SUZ12: variants seen among roughly 807,000 people sequenced by gnomAD.
SUZ12 encodes the protein SUZ12 polycomb repressive complex 2 subunit.
In SUZ12, 17 loss-of-function variants were observed where a neutral mutation model predicts 87.3. The observed-to-expected ratio is 0.19, with a 90% confidence interval of 0.13 to 0.29. The LOEUF (loss-of-function observed/expected upper bound fraction) is 0.29, where lower values mean the gene tolerates loss of function less well. Among genes scored for constraint, SUZ12 ranks in the 10% least tolerant of loss-of-function variants. The probability of loss-of-function intolerance (pLI) is 1.00; values close to 1 mark genes in which losing one functional copy is unlikely to be tolerated. For synonymous variants in SUZ12, 253 were observed against 312.4 expected, an observed-to-expected ratio of 0.81 and a Z score of 2.01; for missense variants, 526 against 912.2, an observed-to-expected ratio of 0.58 and a Z score of 5.45.
chr17:31,988,184 A>G, intron 9 of SUZ12, 136 bp from the exon 10 acceptor site: 2 of 784,920 alleles, frequency 2.5e-6, no homozygotes, highest in East Asian at 2.9e-5. Flanking sequence ...TAGCCGTCTC[A>G]GTCAGCATTT....
At chr17:31,970,796 T>A (rs1342688450) in intron 5 of SUZ12, among the ~76,000 whole-genome samples, 1 of 148,460 alleles carries the variant, frequency 6.7e-6, no homozygotes, top group African/African-American at 2.5e-5. Flanking sequence ...AGCAAGACTC[T>A]CTCTCTCAAA....
At position 31,978,231 on chromosome 17, in the gene SUZ12, C is replaced by T. The variant is rs997537446; in HGVS notation, c.917+1617C>T. ...TTTATTTATTTGTTTATTTTTGAGACGGACTCTCGCTGTGTCACCCAGGCT... is the reference window on the plus strand; with the variant it reads ...TTTATTTATTTGTTTATTTTTGAGATGGACTCTCGCTGTGTCACCCAGGCT... On this transcript the variant is annotated intron_variant, in intron 8 of 15. Transcript: ENST00000322652. Among the ~76,000 whole-genome samples the T allele has an allele frequency of 5.9e-5, 9 of 151,902 alleles. No homozygotes were observed. The East Asian group carries it at 1.2e-3, about 20-fold the overall frequency.
At chr17:31,949,654 CA>C (rs1906829089) in intron 4 of SUZ12, among the ~76,000 whole-genome samples, 2 of 70,176 alleles carry the variant, frequency 2.8e-5, no homozygotes, top group African/African-American at 5.2e-5. Flanking sequence ...CCTGCCACCA[CA>C]CCCAGCCCCC....
chr17:31,986,661 C>T (rs1432413357), intron 9 of SUZ12, among the ~76,000 whole-genome samples: 4 of 152,136 alleles, frequency 2.6e-5, no homozygotes, highest in African/African-American at 9.7e-5. Context: ...AAGCGATTCT[C>T]CTGCCTCAGC....
intron 4 of SUZ12, chr17:31,963,830 G>GT (rs1907912432): frequency 6.6e-6 from 1 of 152,134 alleles, no homozygotes; most frequent in Admixed American, 6.6e-5. Flanking sequence ...GCCATTCTTA[G>GT]TTTTTAACTT....
In SUZ12 at chr17:31,999,524, G is replaced by C. The variant is rs1353847275; in HGVS notation, c.*521G>C. 4.3e-6 allele frequency: 1 copy of C among 230,838 alleles called. No homozygotes were observed. Among genetic ancestry groups the C allele is most frequent in the South Asian group, 1.8e-4 (1 of 5,512 alleles). The allele number at this position is 230,838 out of a possible 1,614,324, so 14.3% of individuals were successfully genotyped here. ...TATTTGCAGTCAAACTTTGATCCTTGTTTTTGAAATCATTTGTCAATTCGG... is the reference window on the plus strand; with the variant it reads ...TATTTGCAGTCAAACTTTGATCCTTCTTTTTGAAATCATTTGTCAATTCGG... On this transcript the variant is annotated 3_prime_UTR_variant, in exon 16 of 16. Coordinates refer to ENST00000322652, the MANE Select transcript of SUZ12 (RefSeq NM_015355.4).
At chr17:31,953,550 G>A (rs925832059) in intron 4 of SUZ12, among the ~76,000 whole-genome samples, 7 of 151,992 alleles carry the variant, frequency 4.6e-5, no homozygotes, top group Non-Finnish European at 7.4e-5. Flanking sequence ...TGGGACTACA[G>A]GCATGTACTG....
chr17:31,954,872 T>C (rs1221762472), intron 4 of SUZ12, among the ~76,000 whole-genome samples: 4 of 152,180 alleles, frequency 2.6e-5, no homozygotes, highest in African/African-American at 7.2e-5. Context: ...AGAGCAAGTC[T>C]CCTTGAGAGT....
intron 1 of SUZ12, among the ~76,000 whole-genome samples, chr17:31,937,816 G>A (rs1598141630): frequency 7.7e-6 from 1 of 130,136 alleles, no homozygotes; most frequent in African/African-American, 2.9e-5. Flanking sequence ...GGAGGTAGCA[G>A]TTGAACTGAG....
chr17:31,959,650 T>G (rs963212070), intron 4 of SUZ12, among the ~76,000 whole-genome samples: 6 of 152,224 alleles, frequency 3.9e-5, no homozygotes, highest in African/African-American at 1.4e-4. Context: ...GAAGCCTTAT[T>G]CCTGCTGCTA....
intron 3 of SUZ12, among the ~76,000 whole-genome samples, chr17:31,945,011 A>G (rs1906534956): frequency 6.9e-6 from 1 of 144,862 alleles, no homozygotes; most frequent in Admixed American, 7.2e-5. Context: ...GAAGGTTGCT[A>G]TGAATGTGCC....
chr17:31,993,046 C>G (rs61399810), intron 10 of SUZ12, among the ~76,000 whole-genome samples, 196 bp from the exon 11 acceptor site: 7,117 of 152,204 alleles, frequency 0.047, 532 homozygotes, highest in African/African-American at 0.16. Flanking sequence ...TGCCAATAGA[C>G]CTTAACATCA....
At chr17:31,959,914 T>C (rs113487161) in intron 4 of SUZ12, among the ~76,000 whole-genome samples, 6 of 152,248 alleles carry the variant, frequency 3.9e-5, no homozygotes, top group Non-Finnish European at 8.8e-5. Flanking sequence ...CTTGTTATCA[T>C]GTGTCTTACT....
At chr17:31,955,984 C>T (rs113277354) in intron 4 of SUZ12, among the ~76,000 whole-genome samples, 2 of 151,680 alleles carry the variant, frequency 1.3e-5, no homozygotes, top group African/African-American at 2.4e-5. Context: ...CGATCTCGGC[C>T]CACTGCAAGC....
intron 4 of SUZ12, among the ~76,000 whole-genome samples, chr17:31,965,114 A>G (rs1051000734): frequency 6.6e-6 from 1 of 151,934 alleles, no homozygotes; most frequent in Non-Finnish European, 1.5e-5. Context: ...TTCCCATCTG[A>G]CTATAAAAAT....
At position 32,000,508 on chromosome 17, in the gene SUZ12, T is replaced by C. The variant is rs887720907; in HGVS notation, c.*1505T>C. ...GAAAGAGGGAAACTGCAGCTTTCAT[T>C]ACAGATTCCTTGATTGGTAAGCTCT... On this transcript the variant is annotated 3_prime_UTR_variant, in exon 16 of 16. Coordinates refer to ENST00000322652, the MANE Select transcript of SUZ12 (RefSeq NM_015355.4). 4.7e-5 allele frequency: 11 copies of C among 232,560 alleles called. No homozygotes were observed. The highest frequency in any genetic ancestry group is 8.5e-5 in the Non-Finnish European group (10 of 117,744). 14.4% of individuals were successfully genotyped at this position (232,560 alleles called of 1,614,324 possible). A position where few individuals can be genotyped will look rare whatever the true frequency, so the allele number is the denominator to read the frequency against.
rs111242694 is a variant in SUZ12 at position 31,994,548 on chromosome 17, T to TG, written c.1438-16_1438-15insG. On this transcript the variant is annotated splice_polypyrimidine_tract_variant and intron_variant, in intron 12 of 15. Coordinates refer to ENST00000322652, the MANE Select transcript of SUZ12 (RefSeq NM_015355.4). ...AGGATACTTAATATATTTTTTTTTT[T>TG]ACATTTTTGTTGCAGTATCATCCAA... 129 of 1,562,760 alleles carry TG rather than the reference T, an allele frequency of 8.3e-5. No individual in the cohort carries two copies. Among genetic ancestry groups the TG allele is most frequent in the African/African-American group, 3.4e-4 (25 of 72,794 alleles).
chr17:31,944,801 G>T (rs1188950797), intron 3 of SUZ12, among the ~76,000 whole-genome samples: 2 of 151,934 alleles, frequency 1.3e-5, no homozygotes, highest in African/African-American at 2.4e-5. Context: ...TTTTGTCCTG[G>T]GTGCAAGATT....
At chr17:31,960,624 CTGGAGTGCAG>C (rs1430694084) in intron 4 of SUZ12, among the ~76,000 whole-genome samples, 2 of 150,854 alleles carry the variant, frequency 1.3e-5, no homozygotes, top group Non-Finnish European at 3.0e-5. Flanking sequence ...GTCACCTAGG[CTGGAGTGCAG>C]TGGTGTGATC....
Sources: allele counts gnomAD v4.1 joint callset (sites outside exome capture counted in the v4.1 genomes callset), GRCh38; gene constraint gnomAD v4.1.1; transcripts MANE v1.5; gene names NCBI Gene and HGNC (gene_info 2026-07-23, HGNC 2026-07-21).